The following TAOK3 variants were observed in gnomAD, a reference collection of about 807,000 sequenced individuals.
TAOK3 encodes the protein serine/threonine-protein kinase TAO3.
In TAOK3, 40 loss-of-function variants were observed where a neutral mutation model predicts 120.4. The observed-to-expected ratio is 0.33, with a 90% CI of 0.26 to 0.43. The LOEUF is 0.43. TAOK3 is among the 20% of genes least tolerant of loss of function. TAOK3 has a pLI of 1.00. For synonymous variants in TAOK3, 355 were observed against 387.5 expected, an observed-to-expected ratio of 0.92 and a Z score of 0.99; for missense variants, 821 against 1,112.1, an observed-to-expected ratio of 0.74 and a Z score of 3.72.
intron 11 of TAOK3, among the ~76,000 whole-genome samples, chr12:118,207,342 A>G (rs75865934): frequency 0.042 from 6,419 of 151,712 alleles, 172 homozygotes; most frequent in East Asian, 0.096. Context: ...AAAAAAAAAA[A>G]AAAGAAAGAA....
intron 1 of TAOK3, among the ~76,000 whole-genome samples, chr12:118,339,240 T>A (rs1417995837): frequency 1.3e-5 from 2 of 150,456 alleles, no homozygotes; most frequent in Admixed American, 1.3e-4. Flanking sequence ...ACACAAGAGT[T>A]GGAAGTAAAT....
chr12:118,163,836 A>C (rs929608700), intron 17 of TAOK3, among the ~76,000 whole-genome samples: 12 of 152,070 alleles, frequency 7.9e-5, no homozygotes, highest in African/African-American at 2.6e-4. Flanking sequence ...CTCAACCTCC[A>C]GAGTAGCTTG....
chr12:118,246,321 G>A (rs928362900), intron 3 of TAOK3: 4 of 1,597,946 alleles, frequency 2.5e-6, no homozygotes, highest in African/African-American at 1.3e-5. Context: ...GTCCCTGGAG[G>A]AGATCTATCT....
intron 1 of TAOK3, among the ~76,000 whole-genome samples, chr12:118,337,417 T>TG (rs1326190918): frequency 6.6e-6 from 1 of 152,214 alleles, no homozygotes; most frequent in Non-Finnish European, 1.5e-5. Context: ...CCTGGGCATT[T>TG]GTCCCAGGGA....
chr12:118,218,774 T>C (rs2039070628), intron 9 of TAOK3, among the ~76,000 whole-genome samples: 1 of 151,976 alleles, frequency 6.6e-6, no homozygotes, highest in African/African-American at 2.4e-5. Flanking sequence ...GCCAACATGG[T>C]GAAACCCCGT....
At chr12:118,167,188 A>G (rs138794821) in intron 17 of TAOK3, among the ~76,000 whole-genome samples, 263 of 152,214 alleles carry the variant, frequency 1.7e-3, no homozygotes, top group Non-Finnish European at 2.8e-3. Flanking sequence ...GGCTCAACCC[A>G]GTTTCAGTGA....
intron 13 of TAOK3, among the ~76,000 whole-genome samples, chr12:118,194,465 T>C (rs2037601082): frequency 6.6e-6 from 1 of 152,108 alleles, no homozygotes; most frequent in Non-Finnish European, 1.5e-5. Flanking sequence ...TAAGAAACAT[T>C]ACCTTCATAT....
At chr12:118,290,769 T>C (rs891795822) in intron 1 of TAOK3, among the ~76,000 whole-genome samples, 2 of 152,238 alleles carry the variant, frequency 1.3e-5, no homozygotes, top group African/African-American at 4.8e-5. Context: ...TTTTGCCATG[T>C]TGGCCAGGCT....
intron 7 of TAOK3, among the ~76,000 whole-genome samples, chr12:118,237,251 A>G (rs2040055088): frequency 6.6e-6 from 1 of 152,154 alleles, no homozygotes; most frequent in Admixed American, 6.5e-5. Context: ...ATAACCCAAT[A>G]GTTTCACTTC....
At chr12:118,151,192 G>A (rs750233297) in intron 20 of TAOK3, 34 bp from the exon 21 acceptor site, 78 of 1,605,240 alleles carry the variant, frequency 4.9e-5, no homozygotes, top group Admixed American at 1.2e-4. Context: ...TTAATGGAAA[G>A]CATCTCCTAA....
At position 118,150,923 on chromosome 12, in the gene TAOK3, T is replaced by C; in HGVS notation, c.*74A>G. On this transcript the variant is annotated 3_prime_UTR_variant, in exon 21 of 21. Transcript: ENST00000392533. ...GCAACGCCCGTTAAAATGGGGAATG[T>C]GGTTTTGCAGGGTCTGAATTTTTTT... 1 of 1,416,224 alleles carries C rather than the reference T, an allele frequency of 7.1e-7. No homozygotes were observed. 87.7% of individuals were successfully genotyped at this position (1,416,224 alleles called of 1,614,324 possible). A position where few individuals can be genotyped will look rare whatever the true frequency, so the allele number is the denominator to read the frequency against.
At chr12:118,229,186 C>T (rs1157442727) in intron 9 of TAOK3, among the ~76,000 whole-genome samples, 1 of 151,870 alleles carries the variant, frequency 6.6e-6, no homozygotes, top group African/African-American at 2.4e-5. Context: ...CTGCAACCTC[C>T]GCCTCCCAGG....
At position 118,273,059 on chromosome 12, in the gene TAOK3, ATTTTGGAGGGTAAT is replaced by A. The variant is rs552057513; in HGVS notation, c.-193-6314_-193-6301del. ...ATGCTGCCCTAAGTCATACTTTACT[ATTTTGGAGGGTAAT>A]CAAGAAAATTTTAAATTTAATGTAA... On this transcript the variant is annotated intron_variant, in intron 1 of 20. Coordinates refer to ENST00000392533, the MANE Select transcript of TAOK3 (RefSeq NM_016281.4). 2.0e-4 allele frequency among the ~76,000 whole-genome samples: 31 copies of A among 152,240 alleles called. No homozygotes were observed. In the East Asian group the frequency reaches 5.0e-3, roughly 25 times the overall value.
At chr12:118,265,159 G>A (rs554923199) in intron 2 of TAOK3, among the ~76,000 whole-genome samples, 1 of 151,140 alleles carries the variant, frequency 6.6e-6, no homozygotes, top group African/African-American at 2.4e-5. Context: ...GGGAGGCCGA[G>A]GAGGGCAGAT....
intron 1 of TAOK3, among the ~76,000 whole-genome samples, chr12:118,357,911 A>G (rs1336498920): frequency 6.6e-6 from 1 of 152,242 alleles, no homozygotes; most frequent in African/African-American, 2.4e-5. Flanking sequence ...TACATTAGAA[A>G]GAATAGCGCC....
intron 1 of TAOK3, among the ~76,000 whole-genome samples, chr12:118,284,573 T>G (rs1365113031): frequency 6.6e-6 from 1 of 152,176 alleles, no homozygotes; most frequent in East Asian, 1.9e-4. Context: ...TAATGACTGT[T>G]TTCTAGTAAA....
At chr12:118,258,350 A>G (rs924183457) in intron 2 of TAOK3, among the ~76,000 whole-genome samples, 14 of 152,312 alleles carry the variant, frequency 9.2e-5, no homozygotes, top group African/African-American at 3.4e-4. Context: ...AAGTTACTAC[A>G]TCAATACTAC....
chr12:118,236,829 A>T (rs2040036202), intron 7 of TAOK3: 1 of 152,188 alleles, frequency 6.6e-6, no homozygotes, highest in Admixed American at 6.5e-5. Flanking sequence ...CTTTTAAATT[A>T]AAAAAACATT....
intron 1 of TAOK3, 113 bp from the exon 2 acceptor site, chr12:118,266,872 T>G (rs1028277822): frequency 1.1e-5 from 4 of 374,256 alleles, no homozygotes; most frequent in Middle Eastern, 6.9e-4. Context: ...GTTAAAATTT[T>G]ATCTTCATCT....
Sources: gnomAD v4.1 joint callset for allele counts (sites outside exome capture counted in the v4.1 genomes callset) on GRCh38, gnomAD v4.1.1 for gene constraint, MANE v1.5 for transcripts, NCBI Gene and HGNC (gene_info 2026-07-23, HGNC 2026-07-21) for gene names.